Variants in NUP98 observed in about 807,000 individuals in gnomAD.
The protein encoded by NUP98 is nucleoporin 98 and 96 precursor.
A neutral mutation model predicts 191.9 loss-of-function variants in NUP98; 26 were observed. That is an observed-to-expected ratio of 0.14 (90% CI 0.10 to 0.19). NUP98 has a LOEUF of 0.19. Among genes scored for constraint, NUP98 ranks in the 10% least tolerant of loss-of-function variants. The pLI, the probability that NUP98 is intolerant of heterozygous loss-of-function variation, is 1.00. For missense variants in NUP98, 1,941 were observed against 2,178.8 expected (o/e 0.89, Z 2.17); for synonymous variants, 808 against 778.4 (o/e 1.04, Z -0.63).
At position 3,795,232 on chromosome 11, in the gene NUP98, G is replaced by A. The variant is rs574872467; in HGVS notation, c.-29+2168C>T. Among the ~76,000 whole-genome samples the A allele has an allele frequency of 3.9e-5, 6 of 152,062 alleles. No individual in the cohort carries two copies. In the South Asian group the frequency reaches 1.0e-3, roughly 26 times the overall value. Reference sequence around the variant, plus strand: ...GAGGTGGGGGATGGCTTGAGCCCAGGAATTCGATACCAGCCTGGGCAACAT... The same window carrying A: ...GAGGTGGGGGATGGCTTGAGCCCAGAAATTCGATACCAGCCTGGGCAACAT... On this transcript the variant is annotated intron_variant, in intron 1 of 32. Coordinates refer to ENST00000324932, the MANE Select transcript of NUP98 (RefSeq NM_016320.5).
chr11:3,684,239 C>T (rs903870390), intron 29 of NUP98, among the ~76,000 whole-genome samples: 3 of 151,798 alleles, frequency 2.0e-5, no homozygotes, highest in Non-Finnish European at 4.4e-5. Flanking sequence ...AAAACAAACA[C>T]ATAGCATTAA....
At chr11:3,702,045 CT>C (rs911555500) in intron 23 of NUP98, among the ~76,000 whole-genome samples, 2 of 151,408 alleles carry the variant, frequency 1.3e-5, no homozygotes, top group African/African-American at 4.8e-5. Context: ...AATCCCAGCA[CT>C]TTGGGAGGCC....
chr11:3,782,207 G>T, intron 1 of NUP98, 62 bp from the exon 2 acceptor site: 1 of 906,322 alleles, frequency 1.1e-6, no homozygotes, highest in Non-Finnish European at 1.7e-6. Context: ...AATTGTTTTA[G>T]AAAATCTATC....
intron 11 of NUP98, among the ~76,000 whole-genome samples, chr11:3,745,609 G>A (rs1385932256): frequency 6.6e-6 from 1 of 152,000 alleles, no homozygotes; most frequent in Non-Finnish European, 1.5e-5. Context: ...ATTGGCAATT[G>A]ATAAGATTTA....
intron 1 of NUP98, among the ~76,000 whole-genome samples, chr11:3,787,397 T>A (rs367968755): frequency 6.6e-6 from 1 of 151,564 alleles, no homozygotes; most frequent in African/African-American, 2.4e-5. Context: ...GACTGGCCAA[T>A]AGGGTGAAAC....
chr11:3,698,797 C>T (rs1326386266), intron 25 of NUP98, among the ~76,000 whole-genome samples: 2 of 150,578 alleles, frequency 1.3e-5, no homozygotes, highest in African/African-American at 2.4e-5. Flanking sequence ...GATCTACCCA[C>T]CTTGGCCTCC....
intron 1 of NUP98, among the ~76,000 whole-genome samples, chr11:3,792,632 CA>C (rs1564940887): frequency 2.0e-5 from 3 of 150,794 alleles, no homozygotes; most frequent in Non-Finnish European, 3.0e-5. Flanking sequence ...AACAAACAAA[CA>C]AAAAAACAAC....
chr11:3,717,915 T>C (rs1029868338), intron 18 of NUP98, among the ~76,000 whole-genome samples: 1 of 152,232 alleles, frequency 6.6e-6, no homozygotes, highest in Non-Finnish European at 1.5e-5. Context: ...CATCCATGCA[T>C]TCCAGAATAA....
intron 29 of NUP98, among the ~76,000 whole-genome samples, chr11:3,684,176 C>T (rs1483352941): frequency 1.3e-5 from 2 of 152,190 alleles, no homozygotes; most frequent in Non-Finnish European, 2.9e-5. Flanking sequence ...CACGCCATTG[C>T]ACTCCAGCCT....
At chr11:3,682,012 G>A in intron 30 of NUP98, among the ~76,000 whole-genome samples, 1 of 152,188 alleles carries the variant, frequency 6.6e-6, no homozygotes, top group Non-Finnish European at 1.5e-5. Context: ...TTCTCCATCA[G>A]CACTTCCTGC....
intron 26 of NUP98, 27 bp from the exon 27 acceptor site, chr11:3,693,402 G>A (rs2134066177): frequency 6.2e-7 from 1 of 1,612,184 alleles, no homozygotes. Context: ...CATCACCATG[G>A]CTATATTCTA....
chr11:3,743,737 G>A (rs564730132), intron 12 of NUP98, among the ~76,000 whole-genome samples: 4 of 151,434 alleles, frequency 2.6e-5, no homozygotes, highest in South Asian at 2.1e-4. Flanking sequence ...TCTGGAAGGT[G>A]GTATTCAAAT....
At chr11:3,761,761 AAAAAC>A (rs1273271388) in intron 9 of NUP98, among the ~76,000 whole-genome samples, 11 of 152,060 alleles carry the variant, frequency 7.2e-5, no homozygotes, top group Non-Finnish European at 1.3e-4. Flanking sequence ...TCCGTCTCAA[AAAAAC>A]AAAACAAAAC....
chr11:3,697,374 A>C (rs1358339414), intron 25 of NUP98: 2 of 152,262 alleles, frequency 1.3e-5, no homozygotes, highest in Non-Finnish European at 2.9e-5. Context: ...TTATAATCCC[A>C]AAAGTGGCAA....
intron 30 of NUP98, among the ~76,000 whole-genome samples, chr11:3,682,016 T>C (rs1004537317): frequency 6.6e-6 from 1 of 152,248 alleles, no homozygotes; most frequent in African/African-American, 2.4e-5. Context: ...CCATCAGCAC[T>C]TCCTGCTTCA....
intron 20 of NUP98, chr11:3,712,018 C>T: frequency 9.5e-7 from 1 of 1,049,462 alleles, no homozygotes; most frequent in Non-Finnish European, 1.2e-6. Flanking sequence ...CTAATCTCCC[C>T]AAGCCAAATA....
In NUP98 at chr11:3,705,320, C is replaced by T. The variant is rs746774406; in HGVS notation, c.2962G>A (p.Val988Ile). 2.5e-6 allele frequency: 4 copies of T among 1,614,160 alleles called. No individual in the cohort carries two copies. The highest frequency in any genetic ancestry group is 1.1e-5 in the South Asian group (1 of 91,078). The stretch of plus-strand genomic sequence containing the variant: ...AAGCGTTGATCCAGTGCCATATCTA[C>T]ATCTTCTTCATCAGTAAGCAATGAT... ...KASLLTDEED[V>I]DMALDQRFSR... Residue 988 changes from valine (V) to isoleucine (I), a missense_variant, in exon 22 of 33, where the codon GTA becomes ATA. By Grantham distance (29) the Val-to-Ile change is conservative. This residue lies in a region of NUP98 where 1,030 missense variants were observed against 1,115.8 expected (regional missense o/e 0.92). Coordinates refer to ENST00000324932, the MANE Select transcript of NUP98 (RefSeq NM_016320.5).
At chr11:3,776,079 A>G (rs1589945187) in intron 4 of NUP98, 58 bp from the exon 5 acceptor site, 7 of 1,307,608 alleles carry the variant, frequency 5.4e-6, no homozygotes, top group African/African-American at 4.5e-5. Flanking sequence ...AATGTATAAG[A>G]TGCATTGGAA....
intron 28 of NUP98, among the ~76,000 whole-genome samples, chr11:3,690,721 A>G (rs35550930): frequency 0.22 from 33,068 of 152,118 alleles, 3,741 homozygotes; most frequent in Middle Eastern, 0.26. Context: ...TGGTGGGAAT[A>G]TAAAAATGAT....
Sources: gnomAD v4.1 joint callset for allele counts (sites outside exome capture counted in the v4.1 genomes callset) on GRCh38, gnomAD v4.1.1 for gene constraint, gnomAD v4.1.1 regional missense constraint, MANE v1.5 for transcripts, NCBI Gene and HGNC (gene_info 2026-07-23, HGNC 2026-07-21) for gene names.